Variants in KIZ observed in about 807,000 individuals in gnomAD.
KIZ encodes the protein centrosomal protein kizuna.
A neutral mutation model predicts 79.6 loss-of-function variants in KIZ; 68 were observed. That is an observed-to-expected ratio of 0.85 (90% confidence interval 0.70 to 1.05). The LOEUF is 1.05. KIZ is among the 50% of genes least tolerant of loss of function. KIZ has a pLI of 0.00. For synonymous variants in KIZ, 280 were observed against 281.8 expected, an observed-to-expected ratio of 0.99 and a Z score of 0.06; for missense variants, 797 against 800.4, an observed-to-expected ratio of 1.00 and a Z score of 0.05.
intron 6 of KIZ, among the ~76,000 whole-genome samples, chr20:21,182,508 T>C (rs917450523): frequency 6.6e-6 from 1 of 151,992 alleles, no homozygotes; most frequent in African/African-American, 2.4e-5. Context: ...GAAGACCAAA[T>C]AGTAAGGCCA....
At chr20:21,240,069 G>A (rs1355292958) in intron 11 of KIZ, among the ~76,000 whole-genome samples, 3 of 152,090 alleles carry the variant, frequency 2.0e-5, no homozygotes, top group Non-Finnish European at 4.4e-5. Context: ...CAAAGCTACT[G>A]GGAAATTCTG....
At chr20:21,185,566 C>T (rs2034843820) in intron 6 of KIZ, among the ~76,000 whole-genome samples, 1 of 149,750 alleles carries the variant, frequency 6.7e-6, no homozygotes. Context: ...GCCACCACCA[C>T]ACCCGGCTAA....
intron 4 of KIZ, among the ~76,000 whole-genome samples, chr20:21,149,774 G>T (rs1467777024): frequency 6.6e-6 from 1 of 152,220 alleles, no homozygotes; most frequent in Non-Finnish European, 1.5e-5. Context: ...AAAGGGACCA[G>T]ATACCTTGTG....
chr20:21,182,024 C>G (rs1311895861), intron 6 of KIZ, among the ~76,000 whole-genome samples: 1 of 152,210 alleles, frequency 6.6e-6, no homozygotes, highest in Non-Finnish European at 1.5e-5. Flanking sequence ...GTGTTGACCT[C>G]TTCCTACAGC....
chr20:21,179,218 T>G (rs1281516817), intron 6 of KIZ, among the ~76,000 whole-genome samples: 3 of 151,130 alleles, frequency 2.0e-5, no homozygotes, highest in Non-Finnish European at 3.0e-5. Flanking sequence ...TGTTTTTTTT[T>G]TTTTTTTGAT....
At chr20:21,200,443 T>C (rs59423893) in intron 6 of KIZ, among the ~76,000 whole-genome samples, 3,268 of 152,032 alleles carry the variant, frequency 0.021, 107 homozygotes, top group African/African-American at 0.07. Flanking sequence ...ATAAAATAAT[T>C]ATACAATTCA....
chr20:21,221,913 C>A (rs1600583981), intron 9 of KIZ, among the ~76,000 whole-genome samples: 1 of 29,574 alleles, frequency 3.4e-5, no homozygotes, highest in East Asian at 1.2e-3. Context: ...TGTGCTTCAC[C>A]TGTCCTATCC....
At chr20:21,242,061 T>TA (rs1200450793) in intron 11 of KIZ, among the ~76,000 whole-genome samples, 1 of 152,208 alleles carries the variant, frequency 6.6e-6, no homozygotes, top group African/African-American at 2.4e-5. Context: ...ACATACTCAT[T>TA]AAGCACCTGT....
chr20:21,227,679 C>T (rs569762222), intron 9 of KIZ, among the ~76,000 whole-genome samples: 3 of 152,068 alleles, frequency 2.0e-5, no homozygotes, highest in Non-Finnish European at 4.4e-5. Flanking sequence ...TAGGATTAGC[C>T]GGAGGTCATC....
At chr20:21,173,475 G>C (rs574258593) in intron 6 of KIZ, among the ~76,000 whole-genome samples, 2 of 151,866 alleles carry the variant, frequency 1.3e-5, no homozygotes, top group Non-Finnish European at 2.9e-5. Context: ...CTACTTGGGA[G>C]GCTGAGCCAG....
chr20:21,200,046 C>T (rs2035525713), intron 6 of KIZ, among the ~76,000 whole-genome samples: 1 of 152,154 alleles, frequency 6.6e-6, no homozygotes, highest in African/African-American at 2.4e-5. Flanking sequence ...GTCTTGAACT[C>T]CTGGCCTCAA....
Position 21,162,066 on chromosome 20 carries a change from A to C in KIZ, c.601A>C (p.Ser201Arg). Residue 201 changes from serine (S) to arginine (R), a missense_variant, in exon 5 of 13, where the codon AGT becomes CGT. By Grantham distance (110) the Ser-to-Arg change is moderately radical. Transcript: ENST00000619189. ...TTCACACCGACAGACAGCCCAGAGC[A>C]GTAATGTGACAGACAGCTGTGTAGT... is the stretch of plus-strand genomic sequence containing the variant. Reference protein sequence around the residue: ...PHSHRQTAQSSNVTDSCVVQT... With the variant: ...PHSHRQTAQSRNVTDSCVVQT... 6.2e-7 allele frequency: 1 copy of C among 1,613,920 alleles called. No homozygotes were observed. Among genetic ancestry groups the C allele is most frequent in the Non-Finnish European group, 8.5e-7 (1 of 1,179,806 alleles).
chr20:21,220,055 A>G (rs1167709261), intron 9 of KIZ, among the ~76,000 whole-genome samples: 5 of 151,730 alleles, frequency 3.3e-5, no homozygotes, highest in African/African-American at 1.2e-4. Flanking sequence ...ATGAATTTTT[A>G]TATCTATAAA....
At chr20:21,126,803 A>G (rs2031506651) in intron 1 of KIZ, among the ~76,000 whole-genome samples, 1 of 152,222 alleles carries the variant, frequency 6.6e-6, no homozygotes, top group Non-Finnish European at 1.5e-5. Context: ...AAGATATGAA[A>G]GATGGGAACC....
intron 11 of KIZ, among the ~76,000 whole-genome samples, chr20:21,241,105 C>A (rs963459503): frequency 2.6e-5 from 4 of 152,342 alleles, no homozygotes; most frequent in African/African-American, 9.6e-5. Flanking sequence ...TCTTTGATTT[C>A]TTTTACTTTC....
chr20:21,136,973 A>G (rs1044378243), intron 3 of KIZ, among the ~76,000 whole-genome samples: 13 of 152,338 alleles, frequency 8.5e-5, no homozygotes, highest in Non-Finnish European at 1.3e-4. Flanking sequence ...TAAGGAATCA[A>G]TGGGATATCT....
intron 1 of KIZ, among the ~76,000 whole-genome samples, chr20:21,130,014 C>G (rs2031736933): frequency 6.6e-6 from 1 of 152,190 alleles, no homozygotes; most frequent in African/African-American, 2.4e-5. Flanking sequence ...CAAGGATGTT[C>G]TTGTACATGA....
chr20:21,165,362 A>C (rs74468077), intron 6 of KIZ, among the ~76,000 whole-genome samples: 3,037 of 152,250 alleles, frequency 0.02, 101 homozygotes, highest in African/African-American at 0.068. Context: ...CACAGAGGAC[A>C]TGGGAGGGGC....
At chr20:21,144,053 C>T (rs748159053) in intron 3 of KIZ, 3 of 152,022 alleles carry the variant, frequency 2.0e-5, no homozygotes, top group Non-Finnish European at 4.4e-5. Context: ...GCATTGAGAG[C>T]AGTCTAAATT....
Sources: allele counts gnomAD v4.1 joint callset (sites outside exome capture counted in the v4.1 genomes callset), GRCh38; gene constraint gnomAD v4.1.1; transcripts MANE v1.5; gene names NCBI Gene and HGNC (gene_info 2026-07-23, HGNC 2026-07-21).